CELF2: variants seen among roughly 807,000 people sequenced by gnomAD.
CELF2 encodes the protein CUG triplet repeat RNA-binding protein 2.
In CELF2, 8 loss-of-function variants were observed where a neutral mutation model predicts 62.6. The observed-to-expected ratio is 0.13, with a 90% CI of 0.07 to 0.23. The LOEUF is 0.23. Among genes scored for constraint, CELF2 ranks in the 10% least tolerant of loss-of-function variants. The pLI is 1.00. For missense variants in CELF2, 333 were observed against 671.0 expected (o/e 0.50, Z 5.56); for synonymous variants, 258 against 250.0 (o/e 1.03, Z -0.30).
intron 1 of CELF2, among the ~76,000 whole-genome samples, chr10:10,870,090 T>C (rs1205415636): frequency 6.6e-6 from 1 of 152,202 alleles, no homozygotes; most frequent in African/African-American, 2.4e-5. Flanking sequence ...TAGGAGATGG[T>C]TAACATAATA....
At chr10:10,930,135 A>G (rs151313616) in intron 2 of CELF2, among the ~76,000 whole-genome samples, 1 of 152,358 alleles carries the variant, frequency 6.6e-6, no homozygotes, top group African/African-American at 2.4e-5. Flanking sequence ...GTAGCAGACT[A>G]TCAAAGGAAT....
intron 1 of CELF2, among the ~76,000 whole-genome samples, chr10:11,131,004 A>G (rs1480515851): frequency 2.0e-5 from 3 of 152,240 alleles, no homozygotes; most frequent in African/African-American, 7.2e-5. Context: ...CCAGCATCCA[A>G]CTGTTGTTAC....
the CELF2 span, among the ~76,000 whole-genome samples, chr10:10,708,020 A>G: frequency 6.6e-6 from 1 of 152,328 alleles, no homozygotes; most frequent in South Asian, 2.1e-4. Context: ...GAACGGTGAC[A>G]TTTCACCAAT....
chr10:10,985,397 A>G (rs1021399656), intron 2 of CELF2, among the ~76,000 whole-genome samples: 2 of 152,192 alleles, frequency 1.3e-5, no homozygotes, highest in African/African-American at 4.8e-5. Context: ...GTAATTGACA[A>G]TTAAATCAGC....
At chr10:11,084,759 A>G (rs1055569066) in intron 1 of CELF2, among the ~76,000 whole-genome samples, 20 of 152,162 alleles carry the variant, frequency 1.3e-4, no homozygotes, top group African/African-American at 4.8e-4. Flanking sequence ...AAAGAAAAAA[A>G]AACCCACGGT....
At chr10:11,077,492 A>T (rs969599067) in intron 1 of CELF2, among the ~76,000 whole-genome samples, 1 of 152,212 alleles carries the variant, frequency 6.6e-6, no homozygotes, top group Admixed American at 6.5e-5. Context: ...AATGAGGTCA[A>T]TTTGTTGGCG....
chr10:11,025,194 G>A (rs2058946860), intron 1 of CELF2, among the ~76,000 whole-genome samples: 1 of 147,944 alleles, frequency 6.8e-6, no homozygotes, highest in African/African-American at 2.5e-5. Context: ...TATGTGTGGG[G>A]GTATATACAT....
At chr10:10,758,054 A>T in the CELF2 span, among the ~76,000 whole-genome samples, 1 of 152,194 alleles carries the variant, frequency 6.6e-6, no homozygotes, top group Non-Finnish European at 1.5e-5. Context: ...ACCTATCAGC[A>T]ATCTGCAGAT....
At chr10:11,185,778 C>T (rs1051558224) in intron 2 of CELF2, among the ~76,000 whole-genome samples, 21 of 152,234 alleles carry the variant, frequency 1.4e-4, no homozygotes, top group South Asian at 4.1e-4. Flanking sequence ...CATCTGTGTT[C>T]GGGAAGAATA....
the CELF2 span, among the ~76,000 whole-genome samples, chr10:10,732,155 G>C: frequency 8.9e-3 from 1,358 of 152,296 alleles, 25 homozygotes; most frequent in African/African-American, 0.031. Context: ...TGCCTTGGCA[G>C]GGAGGGCTAG....
At chr10:10,985,771 C>G (rs2052672902) in intron 2 of CELF2, among the ~76,000 whole-genome samples, 1 of 152,212 alleles carries the variant, frequency 6.6e-6, no homozygotes, top group Middle Eastern at 3.2e-3. Context: ...CTTGTTTCTT[C>G]TTCTCGCTAA....
In CELF2 at chr10:11,269,876, A is replaced by G. The variant is rs559450871; in HGVS notation, c.619-790A>G. Among the ~76,000 whole-genome samples the G allele has an allele frequency of 6.6e-5, 10 of 152,332 alleles. No individual in the cohort carries two copies. In the South Asian group the frequency reaches 2.1e-3, roughly 32 times the overall value. On this transcript the variant is annotated intron_variant, in intron 6 of 12. Transcript: ENST00000633077. This position sits in a 1 kb window ranked among gnomAD's most constrained non-coding sequence, Gnocchi z 4.4. The stretch of plus-strand genomic sequence containing the variant: ...TTTAAAGGAAATTAAAACTGAAAGA[A>G]GCTGCTAGAATGGTGAGATTCATTA...
rs959898661 is a variant in CELF2, at chr10:11,244,833, G to A, written c.355-4320G>A. Among the ~76,000 whole-genome samples, 5 of 152,126 alleles carry A rather than the reference G, an allele frequency of 3.3e-5. No homozygotes were observed. The highest frequency in any genetic ancestry group is 5.9e-5 in the Non-Finnish European group (4 of 68,024). The stretch of plus-strand genomic sequence containing the variant: ...TTTCCACATCTTCCGGTTAACATGA[G>A]GATTGCTTTGAGAATGAATGCAGAC... On this transcript the variant is annotated intron_variant, in intron 3 of 12. Coordinates refer to ENST00000633077, the MANE Select transcript of CELF2 (RefSeq NM_001326342.2). This position sits in a 1 kb window ranked among gnomAD's most constrained non-coding sequence, Gnocchi z 4.2.
At chr10:11,150,476 C>T (rs1279083549) in intron 1 of CELF2, among the ~76,000 whole-genome samples, 1 of 152,148 alleles carries the variant, frequency 6.6e-6, no homozygotes, top group Non-Finnish European at 1.5e-5. Flanking sequence ...GTTTGATTGC[C>T]CTTATATAAT....
At chr10:11,183,907 T>G (rs1335768017) in intron 2 of CELF2, among the ~76,000 whole-genome samples, 1 of 152,212 alleles carries the variant, frequency 6.6e-6, no homozygotes, top group Non-Finnish European at 1.5e-5. Flanking sequence ...TAAAAAGCAG[T>G]TTCTAATTTT....
intron 1 of CELF2, among the ~76,000 whole-genome samples, chr10:10,837,955 C>T (rs1461163159): frequency 1.3e-5 from 2 of 152,164 alleles, no homozygotes; most frequent in Admixed American, 6.5e-5. Context: ...AATTAATGAA[C>T]CAGTATTGAT....
Position 11,331,462 on chromosome 10 carries a change from T to G in CELF2, c.*2409T>G, listed in dbSNP as rs1430733503. On this transcript the variant is annotated 3_prime_UTR_variant, in exon 13 of 13. Transcript: ENST00000633077. Reference sequence around the variant, plus strand: ...TGTGTTCAGCAAAATGTGATGTTTTTTTCTTTTAAAGAAAAAAAGTGAAAA... The same window carrying G: ...TGTGTTCAGCAAAATGTGATGTTTTGTTCTTTTAAAGAAAAAAAGTGAAAA... The G allele has an allele frequency of 6.6e-6, 1 of 152,430 alleles. No individual in the cohort carries two copies. Among genetic ancestry groups the G allele is most frequent in the African/African-American group, 2.4e-5 (1 of 41,416 alleles). The allele number at this position is 152,430 out of a possible 1,614,324, so 9.4% of individuals were successfully genotyped here.
the CELF2 span, among the ~76,000 whole-genome samples, chr10:10,636,526 T>C: frequency 1.3e-5 from 2 of 152,216 alleles, no homozygotes; most frequent in Non-Finnish European, 2.9e-5. Flanking sequence ...AATTGTGTGT[T>C]GACTGCATTG....
Position 11,018,172 on chromosome 10 carries a change from C to A in CELF2, c.74+9C>A. 1 of 1,516,184 alleles carries A rather than the reference C, an allele frequency of 6.6e-7. No individual in the cohort carries two copies. 93.9% of individuals were successfully genotyped at this position (1,516,184 alleles called of 1,614,324 possible). A position where few individuals can be genotyped will look rare whatever the true frequency, so the allele number is the denominator to read the frequency against. Reference sequence around the variant, plus strand: ...CTCGTTCCTGACAGAATGTGAGTGGCGCCGCGTCCCGAGGCCGGGCGAGCG... The same window carrying A: ...CTCGTTCCTGACAGAATGTGAGTGGAGCCGCGTCCCGAGGCCGGGCGAGCG... On this transcript the variant is annotated intron_variant, in intron 1 of 12. Coordinates refer to ENST00000633077, the MANE Select transcript of CELF2 (RefSeq NM_001326342.2).
Sources: allele counts gnomAD v4.1 joint callset (sites outside exome capture counted in the v4.1 genomes callset), GRCh38; gene constraint gnomAD v4.1.1; non-coding constraint Gnocchi (gnomAD v3.1); transcripts MANE v1.5; gene names NCBI Gene and HGNC (gene_info 2026-07-23, HGNC 2026-07-21).